The following UGT2A2 variants were observed in gnomAD, a reference collection of about 807,000 sequenced individuals.
The protein encoded by UGT2A2 is UDP glucuronosyltransferase family 2 member A2, also known as UDP-glucuronosyltransferase 2A2.
In UGT2A2, 60 loss-of-function variants were observed where a neutral mutation model predicts 50.7. The ratio of observed to expected loss-of-function variants is 1.18; its 90% CI spans 0.96 to 1.47. The LOEUF is 1.47. UGT2A2 is among the 40% of genes most tolerant of loss of function. UGT2A2 has a pLI of 0.00. For synonymous variants in UGT2A2, 242 were observed against 214.6 expected, an observed-to-expected ratio of 1.13 and a Z score of -1.11; for missense variants, 762 against 634.0, an observed-to-expected ratio of 1.20 and a Z score of -2.17.
At chr4:69,605,489 C>T (rs950050609) in intron 1 of UGT2A2, among the ~76,000 whole-genome samples, 1 of 136,368 alleles carries the variant, frequency 7.3e-6, no homozygotes, top group Non-Finnish European at 1.6e-5. Context: ...AAAATTGACA[C>T]CCCAACATCA....
At chr4:69,635,167 A>T (rs982099949) in intron 1 of UGT2A2, among the ~76,000 whole-genome samples, 4 of 152,208 alleles carry the variant, frequency 2.6e-5, no homozygotes, top group Admixed American at 6.5e-5. Flanking sequence ...TAAAGTTCAG[A>T]TTTAAATTAA....
chr4:69,614,060 A>G (rs560474958), intron 1 of UGT2A2, among the ~76,000 whole-genome samples: 52 of 152,064 alleles, frequency 3.4e-4, no homozygotes, highest in African/African-American at 1.3e-3. Flanking sequence ...AAAAAATATG[A>G]TCTTGTATCT....
intron 3 of UGT2A2, among the ~76,000 whole-genome samples, chr4:69,596,014 A>T (rs1718900029): frequency 6.6e-6 from 1 of 152,222 alleles, no homozygotes; most frequent in African/African-American, 2.4e-5. Flanking sequence ...ATTCCATTAA[A>T]AATAAATGAC....
At chr4:69,625,481 G>A (rs565216342) in intron 1 of UGT2A2, among the ~76,000 whole-genome samples, 2 of 150,818 alleles carry the variant, frequency 1.3e-5, no homozygotes, top group Non-Finnish European at 3.0e-5. Context: ...TTTTCATTTT[G>A]TATAGTTTCT....
At chr4:69,622,998 G>A (rs1167484334) in intron 1 of UGT2A2, among the ~76,000 whole-genome samples, 2 of 151,768 alleles carry the variant, frequency 1.3e-5, no homozygotes, top group Non-Finnish European at 2.9e-5. Flanking sequence ...TGTCATGGGT[G>A]TGTTCTACTT....
chr4:69,616,524 T>G (rs1212313800), intron 1 of UGT2A2, among the ~76,000 whole-genome samples: 1 of 151,936 alleles, frequency 6.6e-6, no homozygotes, highest in Non-Finnish European at 1.5e-5. Context: ...ACATAATAAT[T>G]AAAAATGAAA....
At chr4:69,616,395 A>G (rs1720387879) in intron 1 of UGT2A2, among the ~76,000 whole-genome samples, 1 of 152,050 alleles carries the variant, frequency 6.6e-6, no homozygotes, top group Non-Finnish European at 1.5e-5. Context: ...TTTTCCTAAC[A>G]TAGAAAAGAT....
chr4:69,593,375 G>A (rs912696798), intron 5 of UGT2A2, among the ~76,000 whole-genome samples: 1 of 151,946 alleles, frequency 6.6e-6, no homozygotes, highest in African/African-American at 2.4e-5. Flanking sequence ...AATTTGGAAT[G>A]AAATAGAGAT....
In UGT2A2 at chr4:69,589,457, G is replaced by T. The variant is rs1437927520; in HGVS notation, c.1526C>A (p.Thr509Lys). ...DVIGFLLVCV[T>K]TAIFLVIQCC... Reference sequence around the variant, plus strand: ...TTGTATGACCAAAAATATAGCCGTTGTCACACAGACCAGCAAGAACCCAAT... The same window carrying T: ...TTGTATGACCAAAAATATAGCCGTTTTCACACAGACCAGCAAGAACCCAAT... Residue 509 changes from threonine to lysine, a missense_variant, in exon 6 of 6, where the codon ACA (threonine) becomes AAA (lysine). Physicochemically the swap from Thr to Lys is moderately conservative, Grantham distance 78 (BLOSUM62 -1). Transcript: ENST00000604629. 6.2e-7 allele frequency: 1 copy of T among 1,613,994 alleles called. No individual in the cohort carries two copies. Among genetic ancestry groups the T allele is most frequent in the Non-Finnish European group, 8.5e-7 (1 of 1,180,010 alleles).
chr4:69,621,720 G>A (rs1286525488), intron 1 of UGT2A2, among the ~76,000 whole-genome samples: 1 of 151,794 alleles, frequency 6.6e-6, no homozygotes, highest in Admixed American at 6.6e-5. Context: ...ATTTCAGCAT[G>A]ATTCACAATA....
At chr4:69,615,221 A>G (rs945015804) in intron 1 of UGT2A2, among the ~76,000 whole-genome samples, 9 of 152,002 alleles carry the variant, frequency 5.9e-5, no homozygotes, top group Non-Finnish European at 1.3e-4. Flanking sequence ...AAATCACTCT[A>G]ATTTAAATCT....
Position 69,599,293 on chromosome 4 carries a change from C to G in UGT2A2, c.844G>C (p.Glu282Gln), listed in dbSNP as rs545584879. ...EFPRPYLPNFEFVGGLHCKPA... is the reference protein window; with the variant it reads ...EFPRPYLPNFQFVGGLHCKPA... The stretch of plus-strand genomic sequence containing the variant: ...TTGCAGTGCAATCCTCCAACAAACT[C>G]AAAATTAGGTAAGTATGGACGAGGA... The change falls in exon 2 of 6, where the codon GAG (glutamate) becomes CAG (glutamine). Residue 282 changes from glutamate (E) to glutamine (Q), a missense_variant. Physicochemically the swap from Glu to Gln is conservative, Grantham distance 29. Coordinates refer to ENST00000604629, the MANE Select transcript of UGT2A2 (RefSeq NM_001105677.2). 1 of 1,613,772 alleles carries G rather than the reference C, an allele frequency of 6.2e-7. No homozygotes were observed. The highest frequency in any genetic ancestry group is 1.3e-5 in the African/African-American group (1 of 75,006).
intron 1 of UGT2A2, 56 bp downstream of exon 1, chr4:69,638,843 C>T: frequency 6.8e-7 from 1 of 1,465,736 alleles, no homozygotes; most frequent in Middle Eastern, 2.4e-4. Flanking sequence ...TGCCATATGA[C>T]AATAAGAATA....
At chr4:69,625,411 T>C (rs961700516) in intron 1 of UGT2A2, among the ~76,000 whole-genome samples, 5 of 151,236 alleles carry the variant, frequency 3.3e-5, no homozygotes, top group African/African-American at 1.2e-4. Context: ...ATTGAAATAG[T>C]ATATGTTAGG....
intron 1 of UGT2A2, among the ~76,000 whole-genome samples, chr4:69,604,024 C>CT (rs1442720445): frequency 7.3e-6 from 1 of 136,646 alleles, no homozygotes; most frequent in Non-Finnish European, 1.6e-5. Flanking sequence ...CCTCCCCAGT[C>CT]TAGCAAGGAA....
chr4:69,593,092 A>G (rs1718681310), intron 5 of UGT2A2, among the ~76,000 whole-genome samples: 1 of 152,278 alleles, frequency 6.6e-6, no homozygotes, highest in African/African-American at 2.4e-5. Context: ...AGCAAGAGCT[A>G]AATATATTGT....
chr4:69,611,604 G>C (rs1720058239), intron 1 of UGT2A2, among the ~76,000 whole-genome samples: 1 of 151,996 alleles, frequency 6.6e-6, no homozygotes, highest in Admixed American at 6.6e-5. Context: ...TTTTATTTGA[G>C]AAAACGAAGG....
At chr4:69,599,583 G>T in intron 1 of UGT2A2, 189 bp from the exon 2 acceptor site, 1 of 813,898 alleles carries the variant, frequency 1.2e-6, no homozygotes, top group Non-Finnish European at 1.7e-6. Context: ...GAAGGAGGAA[G>T]GAAGAAAAGA....
intron 1 of UGT2A2, among the ~76,000 whole-genome samples, chr4:69,625,809 AAT>A (rs2109945097): frequency 6.6e-6 from 1 of 151,692 alleles, no homozygotes; most frequent in East Asian, 1.9e-4. Flanking sequence ...TCAATAAACA[AAT>A]ATTAAAATTA....
Sources: allele counts gnomAD v4.1 joint callset (sites outside exome capture counted in the v4.1 genomes callset), GRCh38; gene constraint gnomAD v4.1.1; transcripts MANE v1.5; gene names NCBI Gene and HGNC (gene_info 2026-07-23, HGNC 2026-07-21).